The following FAF1 variants were observed in gnomAD, a reference collection of about 807,000 sequenced individuals.
FAF1 encodes the protein FAS-associated factor 1.
In FAF1, 25 loss-of-function variants were observed where a neutral mutation model predicts 92.5. That is an observed-to-expected ratio of 0.27 (90% CI 0.20 to 0.38). FAF1 has a LOEUF of 0.38. FAF1 is among the 10% of genes least tolerant of loss of function. The probability of loss-of-function intolerance (pLI) is 1.00; values close to 1 mark genes in which losing one functional copy is unlikely to be tolerated. For synonymous variants in FAF1, 234 were observed against 273.2 expected (o/e 0.86, Z 1.42); for missense variants, 636 against 793.3 (o/e 0.80, Z 2.38).
intron 4 of FAF1, 62 bp downstream of exon 4, chr1:50,787,937 AT>A (rs1316027711): frequency 2.1e-6 from 3 of 1,442,554 alleles, no homozygotes; most frequent in East Asian, 2.3e-5. Context: ...AATAAAAAAA[AT>A]ATAACCTGAA....
rs201701540 is a variant in FAF1, at chr1:50,872,644, C to T, written c.46-14647G>A. Reference sequence around the variant, plus strand: ...GGGCGCGGTGGCTCATGCCTATAATCCCAGCACTTTGGGAGGCCGAGGCAG... The same window carrying T: ...GGGCGCGGTGGCTCATGCCTATAATTCCAGCACTTTGGGAGGCCGAGGCAG... On this transcript the variant is annotated intron_variant, in intron 1 of 18. Coordinates refer to ENST00000396153, the MANE Select transcript of FAF1 (RefSeq NM_007051.3). Among the ~76,000 whole-genome samples the T allele has an allele frequency of 2.0e-5, 3 of 152,192 alleles. No homozygotes were observed. In the East Asian group the frequency reaches 5.8e-4, roughly 29 times the overall value.
chr1:50,816,257 T>C (rs1372148345), intron 2 of FAF1, among the ~76,000 whole-genome samples: 4 of 141,946 alleles, frequency 2.8e-5, no homozygotes, highest in Non-Finnish European at 6.0e-5. Context: ...CAGGCTGGAG[T>C]GCAGAGGCGC....
chr1:50,641,857 G>A (rs1174801193), intron 8 of FAF1, among the ~76,000 whole-genome samples: 1 of 152,048 alleles, frequency 6.6e-6, no homozygotes, highest in Non-Finnish European at 1.5e-5. Flanking sequence ...CTGTCTTCTG[G>A]ATGAAATGAC....
intron 15 of FAF1, among the ~76,000 whole-genome samples, chr1:50,504,247 G>T (rs1457996290): frequency 6.6e-6 from 1 of 151,974 alleles, no homozygotes; most frequent in Non-Finnish European, 1.5e-5. Context: ...ACAGTCAAGA[G>T]TATCCAATAT....
intron 15 of FAF1, among the ~76,000 whole-genome samples, chr1:50,521,449 TC>T (rs1647494990): frequency 6.6e-6 from 1 of 152,228 alleles, no homozygotes; most frequent in South Asian, 2.1e-4. Flanking sequence ...AAAAAATGTT[TC>T]TAGGTGCCTG....
chr1:50,630,844 T>C (rs1369480793), intron 8 of FAF1, among the ~76,000 whole-genome samples: 1 of 147,006 alleles, frequency 6.8e-6, no homozygotes, highest in Non-Finnish European at 1.5e-5. Context: ...TTTTTTTTTT[T>C]TTTTTTGAGA....
intron 2 of FAF1, among the ~76,000 whole-genome samples, chr1:50,818,636 T>G (rs1482501778): frequency 1.3e-5 from 2 of 152,200 alleles, no homozygotes; most frequent in Non-Finnish European, 2.9e-5. Flanking sequence ...ATGATTTCCT[T>G]CATACAGCTT....
At chr1:50,771,314 C>A (rs1322335823) in intron 4 of FAF1, among the ~76,000 whole-genome samples, 4 of 152,122 alleles carry the variant, frequency 2.6e-5, no homozygotes, top group South Asian at 2.1e-4. Flanking sequence ...AGTAATCACA[C>A]AACCTACAGA....
chr1:50,614,528 G>A (rs777688859), intron 8 of FAF1, among the ~76,000 whole-genome samples: 1 of 145,380 alleles, frequency 6.9e-6, no homozygotes, highest in African/African-American at 2.6e-5. Context: ...AGTAATATTA[G>A]AAATCTTCCT....
chr1:50,518,166 C>T (rs1358915494), intron 15 of FAF1, among the ~76,000 whole-genome samples: 1 of 152,176 alleles, frequency 6.6e-6, no homozygotes, highest in Non-Finnish European at 1.5e-5. Context: ...GTTCTCTGTC[C>T]CTACACTTTT....
intron 1 of FAF1, among the ~76,000 whole-genome samples, chr1:50,869,196 T>C (rs1197589269): frequency 2.0e-5 from 3 of 152,198 alleles, no homozygotes; most frequent in Non-Finnish European, 2.9e-5. Flanking sequence ...CATCTAGCTT[T>C]TCAATAATAG....
intron 7 of FAF1, among the ~76,000 whole-genome samples, chr1:50,665,721 AG>A (rs1655586841): frequency 6.6e-6 from 1 of 152,246 alleles, no homozygotes. Context: ...GTCTCTTCCC[AG>A]AAAAAAATTT....
intron 4 of FAF1, among the ~76,000 whole-genome samples, chr1:50,783,415 C>T (rs752249441): frequency 2.0e-5 from 3 of 152,184 alleles, no homozygotes; most frequent in Admixed American, 6.5e-5. Context: ...AAGAAAACTA[C>T]AGTCCAATAT....
chr1:50,499,517 CACTG>C lies in FAF1; in HGVS notation c.1495-7720_1495-7717del, dbSNP rs373392349. On this transcript the variant is annotated intron_variant, in intron 15 of 18. Transcript: ENST00000396153. ...ACTGAGATGATTATATCATAAATTA[CACTG>C]ACTGATTTTCAAATCTGATAAGGCA... Among the ~76,000 whole-genome samples, 320 of 152,102 alleles carry C rather than the reference CACTG, an allele frequency of 2.1e-3. 2 individuals are homozygous for C. Among genetic ancestry groups the C allele is most frequent in the African/African-American group, 7.3e-3 (304 of 41,492 alleles).
At chr1:50,836,895 C>T (rs1644210301) in intron 2 of FAF1, among the ~76,000 whole-genome samples, 1 of 148,990 alleles carries the variant, frequency 6.7e-6, no homozygotes, top group Admixed American at 6.7e-5. Flanking sequence ...CAAAATAGTA[C>T]ATATTTGAAT....
intron 2 of FAF1, among the ~76,000 whole-genome samples, chr1:50,845,359 T>A (rs1172110570): frequency 6.6e-6 from 1 of 152,196 alleles, no homozygotes; most frequent in African/African-American, 2.4e-5. Flanking sequence ...AACCTTTCCA[T>A]GGCCTTCTCA....
intron 8 of FAF1, among the ~76,000 whole-genome samples, chr1:50,651,453 T>C (rs1233025319): frequency 1.3e-5 from 2 of 152,204 alleles, no homozygotes; most frequent in Admixed American, 1.3e-4. Flanking sequence ...GGTATTTTCA[T>C]AAATTCACAG....
At chr1:50,794,789 A>ATTTT (rs59806816) in intron 3 of FAF1, among the ~76,000 whole-genome samples, 18 of 123,466 alleles carry the variant, frequency 1.5e-4, no homozygotes, top group African/African-American at 3.7e-4. Flanking sequence ...TCACCCAGCT[A>ATTTT]TTTTTTTTTT....
intron 18 of FAF1, among the ~76,000 whole-genome samples, chr1:50,447,702 A>T (rs1389243385): frequency 6.6e-6 from 1 of 152,038 alleles, no homozygotes. Context: ...CATCCATCTC[A>T]TCTTACCTCT....
Sources: gnomAD v4.1 joint callset for allele counts (sites outside exome capture counted in the v4.1 genomes callset) on GRCh38, gnomAD v4.1.1 for gene constraint, MANE v1.5 for transcripts, NCBI Gene and HGNC (gene_info 2026-07-23, HGNC 2026-07-21) for gene names.